Variants in LPIN2 observed in about 807,000 individuals in gnomAD.
LPIN2 encodes the protein lipin 2, also known as phosphatidate phosphatase LPIN2.
In LPIN2, 55 loss-of-function variants were observed where a neutral mutation model predicts 111.4. The observed-to-expected ratio is 0.49, with a 90% confidence interval of 0.40 to 0.62. The LOEUF (loss-of-function observed/expected upper bound fraction) is 0.62. Ranked by LOEUF, LPIN2 falls within the 20% of genes least tolerant of loss-of-function variation. The probability of loss-of-function intolerance (pLI) is 0.00; values close to 1 mark genes in which losing one functional copy is unlikely to be tolerated. For missense variants in LPIN2, 992 were observed against 1,112.1 expected (o/e 0.89, Z 1.54); for synonymous variants, 425 against 414.0 (o/e 1.03, Z -0.32).
intron 1 of LPIN2, chr18:2,978,938 T>C (rs1228088088): frequency 6.6e-6 from 1 of 152,288 alleles, no homozygotes; most frequent in Non-Finnish European, 1.5e-5. Context: ...TCCCAGAATG[T>C]AGCACATCTC....
rs1434250691 is a variant in LPIN2, at chr18:2,921,519, C to G, written c.2442+14G>C. Reference sequence around the variant, plus strand: ...TTCACCCACATCAGAACCCAGAGCCCAGGAGATACTCACATTTGGACGGTT... The same window carrying G: ...TTCACCCACATCAGAACCCAGAGCCGAGGAGATACTCACATTTGGACGGTT... On this transcript the variant is annotated intron_variant, in intron 18 of 19. Transcript: ENST00000677752. 8 of 1,589,944 alleles carry G rather than the reference C, an allele frequency of 5.0e-6. No individual in the cohort carries two copies. The Admixed American group carries it at 1.3e-4, about 27-fold the overall frequency.
chr18:2,954,082 T>C (rs1418690811), intron 3 of LPIN2, among the ~76,000 whole-genome samples: 2 of 152,194 alleles, frequency 1.3e-5, no homozygotes, highest in Non-Finnish European at 2.9e-5. Flanking sequence ...GGATGTAATA[T>C]CCCAACCAAA....
intron 2 of LPIN2, among the ~76,000 whole-genome samples, chr18:2,958,097 G>A (rs562289132): frequency 7.7e-5 from 9 of 116,824 alleles, no homozygotes; most frequent in East Asian, 2.9e-4. Flanking sequence ...AGCAGAGATC[G>A]CCCCACTGCA....
intron 4 of LPIN2, chr18:2,946,374 T>C (rs1180942453): frequency 6.7e-7 from 1 of 1,500,444 alleles, no homozygotes; most frequent in African/African-American, 1.4e-5. Flanking sequence ...CCTACAATGC[T>C]TAAGAAATCA....
intron 1 of LPIN2, among the ~76,000 whole-genome samples, chr18:2,965,206 T>A (rs1041673322): frequency 2.0e-5 from 3 of 152,168 alleles, no homozygotes; most frequent in African/African-American, 7.2e-5. Context: ...AAATGGCCCT[T>A]CGCATATAAA....
intron 14 of LPIN2, 67 bp from the exon 15 acceptor site, chr18:2,924,613 A>C: frequency 6.5e-7 from 1 of 1,530,240 alleles, no homozygotes; most frequent in Non-Finnish European, 9.0e-7. Flanking sequence ...TTAAAAATTT[A>C]CAGAACAACT....
chr18:2,972,895 A>T (rs1198176256), intron 1 of LPIN2, among the ~76,000 whole-genome samples: 1 of 152,248 alleles, frequency 6.6e-6, no homozygotes, highest in Non-Finnish European at 1.5e-5. Context: ...CAAGGCTAAA[A>T]TATGCCCAGT....
At chr18:3,012,531 G>A (rs921238821) in intron 1 of LPIN2, among the ~76,000 whole-genome samples, 7 of 152,318 alleles carry the variant, frequency 4.6e-5, no homozygotes, top group Non-Finnish European at 5.9e-5. Flanking sequence ...ATTTGAATCC[G>A]GTCCACACAG....
intron 1 of LPIN2, among the ~76,000 whole-genome samples, chr18:2,975,957 T>C (rs1006078178): frequency 6.6e-5 from 10 of 152,160 alleles, no homozygotes; most frequent in African/African-American, 1.4e-4. Flanking sequence ...TCCAACTCTA[T>C]CGGAAGTTTT....
At chr18:2,984,916 G>C (rs2078165789) in intron 1 of LPIN2, among the ~76,000 whole-genome samples, 1 of 152,198 alleles carries the variant, frequency 6.6e-6, no homozygotes, top group Admixed American at 6.5e-5. Context: ...CAAAGGCTTA[G>C]CAAGTGAGGC....
rs2077031108 is a variant in LPIN2, at chr18:2,920,162, T to G, written c.*131A>C. 7.9e-7 allele frequency: 1 copy of G among 1,260,730 alleles called. No individual in the cohort carries two copies. Among genetic ancestry groups the G allele is most frequent in the Non-Finnish European group, 1.1e-6 (1 of 880,490 alleles). 78.1% of individuals were successfully genotyped at this position (1,260,730 alleles called of 1,614,324 possible). On this transcript the variant is annotated 3_prime_UTR_variant, in exon 20 of 20. Coordinates refer to ENST00000677752, the MANE Select transcript of LPIN2 (RefSeq NM_001375808.2). The stretch of plus-strand genomic sequence containing the variant: ...GCTGGCCTGGGAAGGCAAAGGAGGA[T>G]GGCGGGACCAGCTCCAGAAGCACCC...
chr18:2,934,944 T>C (rs986363663), intron 7 of LPIN2, among the ~76,000 whole-genome samples: 26 of 152,188 alleles, frequency 1.7e-4, no homozygotes, highest in Non-Finnish European at 3.5e-4. Flanking sequence ...GCAGATAACA[T>C]CTTAAACAAT....
At chr18:2,945,766 T>C (rs2077441687) in intron 4 of LPIN2, 1 of 1,226,438 alleles carries the variant, frequency 8.2e-7, no homozygotes, top group African/African-American at 1.5e-5. Flanking sequence ...AATGTGCTAT[T>C]TGCTTCTACT....
intron 4 of LPIN2, chr18:2,946,287 C>G (rs772001594): frequency 6.5e-7 from 1 of 1,527,122 alleles, no homozygotes; most frequent in South Asian, 1.1e-5. Flanking sequence ...TCAGATAGTT[C>G]CTTCTCCTCA....
chr18:3,005,991 A>C (rs559585801), intron 1 of LPIN2, among the ~76,000 whole-genome samples: 3 of 152,304 alleles, frequency 2.0e-5, no homozygotes, highest in South Asian at 4.1e-4. Context: ...GAACAAGGCA[A>C]TGTGGGGAGG....
At chr18:2,951,887 G>A (rs991393007) in intron 3 of LPIN2, among the ~76,000 whole-genome samples, 2 of 152,172 alleles carry the variant, frequency 1.3e-5, no homozygotes, top group Non-Finnish European at 2.9e-5. Flanking sequence ...GGCAATTAGA[G>A]ACAATACCGT....
At chr18:2,974,441 T>A (rs768573988) in intron 1 of LPIN2, among the ~76,000 whole-genome samples, 1 of 152,216 alleles carries the variant, frequency 6.6e-6, no homozygotes, top group Non-Finnish European at 1.5e-5. Flanking sequence ...ATTAGAGAAA[T>A]CCTTCCTTTG....
chr18:2,924,307 G>GC, intron 15 of LPIN2, 91 bp downstream of exon 15: 1 of 1,533,190 alleles, frequency 6.5e-7, no homozygotes, highest in Non-Finnish European at 9.0e-7. Context: ...AGGGCTTCGA[G>GC]CCCCAGGTGA....
chr18:2,980,758 C>T (rs957165107), intron 1 of LPIN2, among the ~76,000 whole-genome samples: 1 of 152,126 alleles, frequency 6.6e-6, no homozygotes, highest in Non-Finnish European at 1.5e-5. Flanking sequence ...GGCTCTGTGC[C>T]GGGGGTTCTC....
Sources: allele counts gnomAD v4.1 joint callset (sites outside exome capture counted in the v4.1 genomes callset), GRCh38; gene constraint gnomAD v4.1.1; transcripts MANE v1.5; gene names NCBI Gene and HGNC (gene_info 2026-07-23, HGNC 2026-07-21).